Variants in MRPS6 observed in about 807,000 individuals in gnomAD.
The protein encoded by MRPS6 is small ribosomal subunit protein bS6m.
Under a neutral mutation model 13.1 loss-of-function variants are expected in MRPS6, and 6 were observed. The observed-to-expected ratio is 0.46, with a 90% confidence interval of 0.25 to 0.91. MRPS6 has a LOEUF of 0.91. Ranked by LOEUF, MRPS6 falls within the 40% of genes least tolerant of loss-of-function variation. The pLI is 0.18. For synonymous variants in MRPS6, 61 were observed against 56.5 expected (o/e 1.08, Z -0.36); for missense variants, 164 against 155.6 (o/e 1.05, Z -0.29).
rs1050807571 is a variant in MRPS6, at chr21:34,096,465, A to G, written c.45+22720A>G. 5 of 1,614,096 alleles carry G rather than the reference A, an allele frequency of 3.1e-6. No homozygotes were observed. The highest frequency in any genetic ancestry group is 3.4e-6 in the Non-Finnish European group (4 of 1,180,032). On this transcript the variant is annotated intron_variant, in intron 1 of 2. Coordinates refer to ENST00000399312, the MANE Select transcript of MRPS6 (RefSeq NM_032476.4). This position sits in a 1 kb window ranked among gnomAD's most constrained non-coding sequence, Gnocchi z 5.9. ...TGTGGCATTTATGGTGGTGATCAGC[A>G]TAGCATGGGTGCCAATCATCGTGGA...
intron 1 of MRPS6, among the ~76,000 whole-genome samples, chr21:34,115,368 G>A (rs977155028): frequency 1.3e-5 from 2 of 152,112 alleles, no homozygotes; most frequent in Non-Finnish European, 2.9e-5. Context: ...ACATCCCTTG[G>A]CTTCATTGAC....
At chr21:34,100,744 C>T (rs977355132) in intron 1 of MRPS6, 6 of 999,990 alleles carry the variant, frequency 6.0e-6, no homozygotes, top group African/African-American at 1.7e-5. Context: ...TAGAGTGTGT[C>T]TGTATTCGCA....
chr21:34,127,988 C>T (rs981060087), intron 2 of MRPS6, among the ~76,000 whole-genome samples: 4 of 152,156 alleles, frequency 2.6e-5, no homozygotes, highest in Admixed American at 6.5e-5. Flanking sequence ...CAGTGGTGTG[C>T]GAGAGCCAGC....
At chr21:34,106,276 G>A (rs1979473052) in intron 1 of MRPS6, 4 of 594,880 alleles carry the variant, frequency 6.7e-6, no homozygotes, top group Non-Finnish European at 8.7e-6. Flanking sequence ...CTGTGACTAA[G>A]TATTTTCAGT....
At chr21:34,142,237 T>G (rs1001090391) in intron 2 of MRPS6, among the ~76,000 whole-genome samples, 171 bp from the exon 3 acceptor site, 1 of 152,208 alleles carries the variant, frequency 6.6e-6, no homozygotes, top group African/African-American at 2.4e-5. Flanking sequence ...ACTGCAATTC[T>G]GTTTAGCTGG....
chr21:34,120,854 CAG>C (rs1980093172), intron 1 of MRPS6, among the ~76,000 whole-genome samples: 1 of 152,112 alleles, frequency 6.6e-6, no homozygotes, highest in African/African-American at 2.4e-5. Context: ...AATTTTGCCT[CAG>C]TGTTACAGTT....
chr21:34,094,422 A>G (rs547793001), intron 1 of MRPS6, among the ~76,000 whole-genome samples: 3 of 152,348 alleles, frequency 2.0e-5, no homozygotes, highest in African/African-American at 7.2e-5. Flanking sequence ...CTAACTGGCC[A>G]TAAAGTTACC....
At chr21:34,097,741 A>T in intron 1 of MRPS6, 1 of 1,006,098 alleles carries the variant, frequency 9.9e-7, no homozygotes, top group Non-Finnish European at 1.2e-6. Context: ...CTCATTTCTA[A>T]ATTTTTTTTT....
At chr21:34,103,405 G>C in intron 1 of MRPS6, 5 of 995,298 alleles carry the variant, frequency 5.0e-6, no homozygotes, top group Non-Finnish European at 6.0e-6. Flanking sequence ...CTGTATTTGT[G>C]TTGTAGCCTA....
chr21:34,134,786 T>G (rs776221737), intron 2 of MRPS6, among the ~76,000 whole-genome samples: 4 of 151,840 alleles, frequency 2.6e-5, no homozygotes, highest in Non-Finnish European at 1.5e-5. Flanking sequence ...AACCAGTCTG[T>G]TTTTCACTCT....
intron 1 of MRPS6, chr21:34,101,860 C>T: frequency 1.0e-6 from 1 of 1,000,020 alleles, no homozygotes; most frequent in Non-Finnish European, 1.2e-6. Context: ...CTCAAAACTC[C>T]TTTTTCAAAA....
chr21:34,116,887 C>T (rs77292159), intron 1 of MRPS6, among the ~76,000 whole-genome samples: 1 of 152,190 alleles, frequency 6.6e-6, no homozygotes. Context: ...TTCCCCTACA[C>T]TCCCTTGTAC....
intron 1 of MRPS6, among the ~76,000 whole-genome samples, chr21:34,076,384 A>G (rs1469441858): frequency 6.6e-6 from 1 of 152,198 alleles, no homozygotes; most frequent in Non-Finnish European, 1.5e-5. Flanking sequence ...GATTGTAGCA[A>G]AGTCAGTTGC....
Position 34,128,144 on chromosome 21 carries a change from C to A in MRPS6, c.185+2664C>A, listed in dbSNP as rs150766097. On this transcript the variant is annotated intron_variant, in intron 2 of 2. Coordinates refer to ENST00000399312, the MANE Select transcript of MRPS6 (RefSeq NM_032476.4). ...GGTGTCCACAGGTCTCAGGTTGATT[C>A]TCACAATTGTCGTGGTTCCTGGTCT... Among the ~76,000 whole-genome samples the A allele has an allele frequency of 8.7e-4, 132 of 152,260 alleles. 2 individuals carry two copies. In the Middle Eastern group the frequency reaches 0.02, roughly 24 times the overall value.
intron 1 of MRPS6, among the ~76,000 whole-genome samples, chr21:34,087,495 A>T (rs959855265): frequency 6.6e-6 from 1 of 152,228 alleles, no homozygotes; most frequent in African/African-American, 2.4e-5. Context: ...GTTTACATAC[A>T]TGGTAGTGAG....
intron 1 of MRPS6, among the ~76,000 whole-genome samples, chr21:34,121,285 A>T (rs1402681880): frequency 2.6e-5 from 4 of 152,232 alleles, no homozygotes; most frequent in African/African-American, 9.6e-5. Flanking sequence ...TGAGAATTGC[A>T]GTATGAATGT....
intron 1 of MRPS6, among the ~76,000 whole-genome samples, chr21:34,120,094 A>G (rs907040995): frequency 1.3e-5 from 2 of 152,348 alleles, no homozygotes; most frequent in South Asian, 2.1e-4. Flanking sequence ...AGTCAGCAGC[A>G]TTAACTTTTC....
intron 1 of MRPS6, among the ~76,000 whole-genome samples, chr21:34,115,118 C>CCT (rs752214264): frequency 2.6e-5 from 4 of 152,166 alleles, no homozygotes; most frequent in Admixed American, 6.5e-5. Flanking sequence ...GATAACAATG[C>CCT]CTCTGCCTTG....
At chr21:34,119,146 C>T (rs1291340793) in intron 1 of MRPS6, among the ~76,000 whole-genome samples, 3 of 152,132 alleles carry the variant, frequency 2.0e-5, no homozygotes, top group Non-Finnish European at 4.4e-5. Flanking sequence ...AATTGTTGGG[C>T]AAAAGAGGTT....
Sources: allele counts gnomAD v4.1 joint callset (sites outside exome capture counted in the v4.1 genomes callset), GRCh38; gene constraint gnomAD v4.1.1; non-coding constraint Gnocchi (gnomAD v3.1); transcripts MANE v1.5; gene names NCBI Gene and HGNC (gene_info 2026-07-23, HGNC 2026-07-21).